The following ADGRD1 variants were observed in gnomAD, a reference collection of about 807,000 sequenced individuals.
ADGRD1 encodes the protein adhesion G protein-coupled receptor D1.
A neutral mutation model predicts 113.4 loss-of-function variants in ADGRD1; 77 were observed. The observed-to-expected ratio is 0.68, with a 90% CI of 0.57 to 0.82. The LOEUF (loss-of-function observed/expected upper bound fraction) is 0.82, where lower values mean the gene tolerates loss of function less well. Ranked by LOEUF, ADGRD1 falls within the 40% of genes least tolerant of loss-of-function variation. The pLI, the probability that ADGRD1 is intolerant of heterozygous loss-of-function variation, is 0.00. For missense variants in ADGRD1, 1,036 were observed against 1,139.1 expected (o/e 0.91, Z 1.30); for synonymous variants, 474 against 475.0 (o/e 1.00, Z 0.03).
rs1478296325 is a variant in ADGRD1, at chr12:131,014,305, T to C, written c.1438T>C (p.Ser480Pro). ...CACCCTGTCTCAGAACCTGTCGGGC[T>C]CTCCACTCATTACGGTCCACCTCAA... is the stretch of plus-strand genomic sequence containing the variant. ...PPTLSQNLSG[S>P]PLITVHLKHR... The change falls in exon 13 of 25, where the codon TCT (serine) becomes CCT (proline). Residue 480 changes from serine to proline, a missense_variant. By Grantham distance (74) the Ser-to-Pro change is moderately conservative (BLOSUM62 -1). Coordinates refer to ENST00000261654, the MANE Select transcript of ADGRD1 (RefSeq NM_198827.5). The C allele has an allele frequency of 6.2e-7, 1 of 1,614,070 alleles. No individual in the cohort carries two copies. The highest frequency in any genetic ancestry group is 1.3e-5 in the African/African-American group (1 of 75,028).
intron 13 of ADGRD1, among the ~76,000 whole-genome samples, chr12:131,031,696 G>A (rs560297171): frequency 5.9e-5 from 9 of 152,164 alleles, no homozygotes; most frequent in African/African-American, 2.2e-4. Context: ...CCACCTCCAT[G>A]GATCTCTGTG....
intron 17 of ADGRD1, 62 bp from the exon 18 acceptor site, chr12:131,108,662 C>A: frequency 6.2e-7 from 1 of 1,610,862 alleles, no homozygotes; most frequent in Non-Finnish European, 8.5e-7. Flanking sequence ...AGGCTGGGAT[C>A]ATAGCCACGC....
intron 13 of ADGRD1, among the ~76,000 whole-genome samples, chr12:131,064,979 G>C (rs1442853825): frequency 6.6e-6 from 1 of 152,216 alleles, no homozygotes; most frequent in African/African-American, 2.4e-5. Context: ...AGGATGAGCA[G>C]CACTAGGCAG....
At chr12:131,051,268 T>C (rs1455774449) in intron 13 of ADGRD1, among the ~76,000 whole-genome samples, 2 of 152,240 alleles carry the variant, frequency 1.3e-5, no homozygotes, top group Non-Finnish European at 2.9e-5. Flanking sequence ...TCCTTGTTTC[T>C]TTTGATTGAC....
At chr12:131,086,198 G>A (rs1886453721) in intron 15 of ADGRD1, among the ~76,000 whole-genome samples, 1 of 152,204 alleles carries the variant, frequency 6.6e-6, no homozygotes, top group African/African-American at 2.4e-5. Flanking sequence ...GGGTGATGCT[G>A]CCCCGCGTGT....
intron 19 of ADGRD1, among the ~76,000 whole-genome samples, chr12:131,119,309 C>T (rs978848975): frequency 6.6e-6 from 1 of 152,300 alleles, no homozygotes; most frequent in Admixed American, 6.5e-5. Context: ...TCCCTGAAGG[C>T]GAAGCATTTG....
chr12:130,997,532 C>T (rs1252449674), intron 8 of ADGRD1, among the ~76,000 whole-genome samples: 2 of 151,186 alleles, frequency 1.3e-5, no homozygotes, highest in Admixed American at 6.6e-5. Flanking sequence ...GATGGGGTCA[C>T]AGCCGAGCAG....
Position 131,004,169 on chromosome 12 carries a change from C to T in ADGRD1, c.1145-17C>T, listed in dbSNP as rs535311129. On this transcript the variant is annotated splice_polypyrimidine_tract_variant and intron_variant, in intron 10 of 24. Coordinates refer to ENST00000261654, the MANE Select transcript of ADGRD1 (RefSeq NM_198827.5). ...AGCTCTGACGGGACTTCCGCTCTCT[C>T]GCTCCTTCCACCGCAGAGTTTTCCG... The T allele has an allele frequency of 1.8e-5, 28 of 1,533,496 alleles. No homozygotes were observed. The highest frequency in any genetic ancestry group is 2.2e-5 in the East Asian group (1 of 44,460). The allele number at this position is 1,533,496 out of a possible 1,614,324, so 95.0% of individuals were successfully genotyped here. A position where few individuals can be genotyped will look rare whatever the true frequency, so the allele number is the denominator to read the frequency against.
intron 13 of ADGRD1, among the ~76,000 whole-genome samples, chr12:131,042,730 C>G (rs1882263457): frequency 6.6e-6 from 1 of 152,248 alleles, no homozygotes; most frequent in East Asian, 1.9e-4. Flanking sequence ...GACCTCCAAC[C>G]CCGGCATGGC....
chr12:131,076,190 T>C (rs1885589797), intron 13 of ADGRD1, among the ~76,000 whole-genome samples: 1 of 152,214 alleles, frequency 6.6e-6, no homozygotes, highest in Non-Finnish European at 1.5e-5. Context: ...ACCTGCTGTA[T>C]GCCAGATGCC....
intron 15 of ADGRD1, among the ~76,000 whole-genome samples, chr12:131,100,732 A>C (rs2137300941): frequency 6.6e-6 from 1 of 152,258 alleles, no homozygotes; most frequent in South Asian, 2.1e-4. Context: ...CTCCCAGTAG[A>C]ATGGGTGGCC....
chr12:131,100,897 G>A (rs1002688686), intron 15 of ADGRD1, among the ~76,000 whole-genome samples: 3 of 152,224 alleles, frequency 2.0e-5, no homozygotes, highest in African/African-American at 7.2e-5. Flanking sequence ...AATCAGTGAT[G>A]TAGATTTAGG....
At chr12:131,123,978 A>C (rs1593255892) in intron 20 of ADGRD1, among the ~76,000 whole-genome samples, 1 of 152,258 alleles carries the variant, frequency 6.6e-6, no homozygotes, top group Non-Finnish European at 1.5e-5. Context: ...AGGCTAAAAC[A>C]GCTGAGCCGA....
chr12:130,994,887 C>T (rs1187196795), intron 8 of ADGRD1, among the ~76,000 whole-genome samples: 5 of 152,194 alleles, frequency 3.3e-5, no homozygotes, highest in African/African-American at 9.7e-5. Flanking sequence ...AGCTGGAAAG[C>T]TGCCTGTGGG....
intron 13 of ADGRD1, among the ~76,000 whole-genome samples, chr12:131,042,140 A>G (rs1882197404): frequency 6.6e-6 from 1 of 152,328 alleles, no homozygotes; most frequent in African/African-American, 2.4e-5. Flanking sequence ...TTTTTTACAG[A>G]ACTGATGATC....
chr12:131,009,704 T>G (rs1218899172), intron 12 of ADGRD1, among the ~76,000 whole-genome samples: 1 of 152,102 alleles, frequency 6.6e-6, no homozygotes, highest in Admixed American at 6.5e-5. Context: ...ATGTGCGTTA[T>G]GTGTGCACAT....
rs954655970 is a variant in ADGRD1, at chr12:131,139,539, CTG to C, written c.*279_*280del. On this transcript the variant is annotated 3_prime_UTR_variant, in exon 25 of 25. Transcript: ENST00000261654. ...GGATTCCCAGGACACAGTGGCCTGACTGTGATGGTGCCCTTGAGCCTCCCTTC... is the reference window on the plus strand; with the variant it reads ...GGATTCCCAGGACACAGTGGCCTGACTGATGGTGCCCTTGAGCCTCCCTTC... 7.3e-6 allele frequency: 3 copies of C among 410,754 alleles called. No homozygotes were observed. The highest frequency in any genetic ancestry group is 2.0e-5 in the African/African-American group (1 of 49,346). 25.4% of individuals were successfully genotyped at this position (410,754 alleles called of 1,614,324 possible).
chr12:131,031,879 A>G (rs1383749275), intron 13 of ADGRD1, among the ~76,000 whole-genome samples: 6 of 152,222 alleles, frequency 3.9e-5, no homozygotes, highest in Non-Finnish European at 8.8e-5. Flanking sequence ...GTCCCCGCAC[A>G]TGCCAGGTGC....
At chr12:130,978,208 G>C (rs1872550871) in intron 4 of ADGRD1, 1 of 152,154 alleles carries the variant, frequency 6.6e-6, no homozygotes, top group African/African-American at 2.4e-5. Flanking sequence ...TAGTAAATCT[G>C]TGACAAATAT....
Sources: allele counts gnomAD v4.1 joint callset (sites outside exome capture counted in the v4.1 genomes callset), GRCh38; gene constraint gnomAD v4.1.1; transcripts MANE v1.5; gene names NCBI Gene and HGNC (gene_info 2026-07-23, HGNC 2026-07-21).